Variants in THEMIS2 observed in about 807,000 individuals in gnomAD.
THEMIS2 encodes the protein protein THEMIS2.
In THEMIS2, 29 loss-of-function variants were observed where a neutral mutation model predicts 46.8. The observed-to-expected ratio is 0.62, with a 90% confidence interval of 0.46 to 0.84. The LOEUF is 0.84. THEMIS2 is among the 40% of genes least tolerant of loss of function. The pLI, the probability that THEMIS2 is intolerant of heterozygous loss-of-function variation, is 0.00. For synonymous variants in THEMIS2, 335 were observed against 349.1 expected, an observed-to-expected ratio of 0.96 and a Z score of 0.45; for missense variants, 698 against 834.7, an observed-to-expected ratio of 0.84 and a Z score of 2.02.
intron 3 of THEMIS2, among the ~76,000 whole-genome samples, chr1:27,880,433 G>T (rs141259082): frequency 1.3e-5 from 2 of 152,056 alleles, no homozygotes; most frequent in Admixed American, 6.5e-5. Flanking sequence ...TGGTCCACCC[G>T]CCTTGGCCTC....
intron 1 of THEMIS2, among the ~76,000 whole-genome samples, chr1:27,875,663 G>C (rs1246423820): frequency 6.6e-6 from 1 of 152,004 alleles, no homozygotes; most frequent in East Asian, 1.9e-4. Flanking sequence ...CTGTGTTCTC[G>C]ACACCACTTA....
Position 27,882,984 on chromosome 1 carries a change from C to A in THEMIS2, c.1660C>A (p.Pro554Thr). Residue 554 changes from proline to threonine, a missense_variant, in exon 4 of 6, where the codon CCC becomes ACC. By Grantham distance (38) the Pro-to-Thr change is conservative. Transcript: ENST00000373921. This position sits in a 1 kb window ranked among gnomAD's most constrained non-coding sequence, Gnocchi z 7.6. ...ACEIQAPPPR[P>T]PKNQGLSKQR... Reference sequence around the variant, plus strand: ...TGAGATCCAAGCCCCCCCACCCAGGCCCCCTAAAAATCAGGGCCTCAGCAA... The same window carrying A: ...TGAGATCCAAGCCCCCCCACCCAGGACCCCTAAAAATCAGGGCCTCAGCAA... 3 of 1,613,702 alleles carry A rather than the reference C, an allele frequency of 1.9e-6. No individual in the cohort carries two copies. The highest frequency in any genetic ancestry group is 2.5e-6 in the Non-Finnish European group (3 of 1,179,932).
Position 27,872,736 on chromosome 1 carries a change from T to A in THEMIS2, c.94+71T>A, listed in dbSNP as rs2089509327. On this transcript the variant is annotated intron_variant, in intron 1 of 5. Coordinates refer to ENST00000373921, the MANE Select transcript of THEMIS2 (RefSeq NM_001105556.3). This position sits in a 1 kb window ranked among gnomAD's most constrained non-coding sequence, Gnocchi z 4.9. Reference sequence around the variant, plus strand: ...CGGGGGCAGAGACCCGGAGAAGACGTTAGCAATCCGGGGAAACTGCCCCTG... The same window carrying A: ...CGGGGGCAGAGACCCGGAGAAGACGATAGCAATCCGGGGAAACTGCCCCTG... The A allele has an allele frequency of 8.3e-7, 1 of 1,198,098 alleles. No individual in the cohort carries two copies. The highest frequency in any genetic ancestry group is 1.6e-5 in the African/African-American group (1 of 63,454). 74.2% of individuals were successfully genotyped at this position (1,198,098 alleles called of 1,614,324 possible). A position where few individuals can be genotyped will look rare whatever the true frequency, so the allele number is the denominator to read the frequency against.
rs572440036 is a variant in THEMIS2 at position 27,879,365 on chromosome 1, GGGAATGT to G, written c.236-277_236-271del. 2.0e-3 allele frequency among the ~76,000 whole-genome samples: 306 copies of G among 152,222 alleles called. 2 individuals carry two copies. Among genetic ancestry groups the G allele is most frequent in the Middle Eastern group, 0.01 (3 of 294 alleles). Reference sequence around the variant, plus strand: ...GTGTGGAAGTCTAGTGTGTCTGTCAGGGAATGTGTCCCTCTTCCATTCTCTGTGTCTC... The same window carrying G: ...GTGTGGAAGTCTAGTGTGTCTGTCAGGTCCCTCTTCCATTCTCTGTGTCTC... On this transcript the variant is annotated intron_variant, in intron 2 of 5. Transcript: ENST00000373921.
At position 27,885,305 on chromosome 1, in the gene THEMIS2, T is replaced by C; in HGVS notation, c.1730T>C (p.Val577Ala). ...CTTTTTCTCCCAAAGTCTTCTCAAGTCTTAGGATTGCAGCAACACGCTCGG... is the reference window on the plus strand; with the variant it reads ...CTTTTTCTCCCAAAGTCTTCTCAAGCCTTAGGATTGCAGCAACACGCTCGG... Reference protein sequence around the residue: ...SSEGGVKSSQVLGLQQHARLP... With the variant: ...SSEGGVKSSQALGLQQHARLP... The change falls in exon 5 of 6, where the codon GTC becomes GCC. Residue 577 changes from valine to alanine, a missense_variant. By Grantham distance (64) the Val-to-Ala change is moderately conservative. Transcript: ENST00000373921. The C allele has an allele frequency of 1.2e-6, 2 of 1,614,008 alleles. No homozygotes were observed. The highest frequency in any genetic ancestry group is 1.7e-6 in the Non-Finnish European group (2 of 1,179,936).
rs777905053 is a variant in THEMIS2, at chr1:27,879,143, C to T, written c.236-501C>T. On this transcript the variant is annotated intron_variant, in intron 2 of 5. Transcript: ENST00000373921. Reference sequence around the variant, plus strand: ...TGGAGGGAGGGGGTGCAGGGACAGTCGGGCAGTCACTATTGGCAGCCAGGA... The same window carrying T: ...TGGAGGGAGGGGGTGCAGGGACAGTTGGGCAGTCACTATTGGCAGCCAGGA... Among the ~76,000 whole-genome samples the T allele has an allele frequency of 1.8e-4, 27 of 152,140 alleles. No homozygotes were observed. The Middle Eastern group carries it at 0.01, about 57-fold the overall frequency.
In THEMIS2 at chr1:27,882,950, A is replaced by G; in HGVS notation, c.1626A>G (p.Leu542=). Residue 542 remains leucine (L), a synonymous_variant, in exon 4 of 6, where the codon TTA becomes TTG. Coordinates refer to ENST00000373921, the MANE Select transcript of THEMIS2 (RefSeq NM_001105556.3). This position sits in a 1 kb window ranked among gnomAD's most constrained non-coding sequence, Gnocchi z 7.6. The stretch of plus-strand genomic sequence containing the variant: ...CCTTCTATTATCGTCTTCGGAAGTT[A>G]CCAGCCTGTGAGATCCAAGCCCCCC... ...TDTFYYRLRK[L]PACEIQAPPP... is the part of the protein sequence containing the mutation. The G allele has an allele frequency of 3.7e-6, 6 of 1,613,690 alleles. No individual in the cohort carries two copies. In the South Asian group the frequency reaches 5.5e-5, roughly 15 times the overall value.
chr1:27,879,156 T>C (rs924530071), intron 2 of THEMIS2, among the ~76,000 whole-genome samples: 6 of 152,062 alleles, frequency 3.9e-5, no homozygotes, highest in African/African-American at 1.2e-4. Context: ...GCAGTCACTA[T>C]TGGCAGCCAG....
chr1:27,874,862 G>T (rs113749310), intron 1 of THEMIS2, among the ~76,000 whole-genome samples: 1 of 151,870 alleles, frequency 6.6e-6, no homozygotes. Context: ...GCCTCCCAAA[G>T]TGTTGGGATT....
At position 27,882,280 on chromosome 1, in the gene THEMIS2, G is replaced by A; in HGVS notation, c.956G>A (p.Gly319Asp). Residue 319 changes from glycine to aspartate, a missense_variant, in exon 4 of 6, where the codon GGC becomes GAC. Gly to Asp is a moderately conservative substitution (Grantham distance 94). Coordinates refer to ENST00000373921, the MANE Select transcript of THEMIS2 (RefSeq NM_001105556.3). The surrounding 1 kb of genome is among the most constrained non-coding windows in gnomAD (Gnocchi z 7.6). ...KVPRHFLVSG[G>D]YQGKLRRRPR... ...CCCAGGCACTTCCTGGTGTCAGGGGGCTACCAAGGCAAGCTGCGGCGGCGG... is the reference window on the plus strand; with the variant it reads ...CCCAGGCACTTCCTGGTGTCAGGGGACTACCAAGGCAAGCTGCGGCGGCGG... 6.2e-7 allele frequency: 1 copy of A among 1,606,676 alleles called. No individual in the cohort carries two copies. The highest frequency in any genetic ancestry group is 1.7e-5 in the Admixed American group (1 of 59,286).
At chr1:27,879,546 G>A (rs2089641341) in intron 2 of THEMIS2, 98 bp from the exon 3 acceptor site, 2 of 1,089,828 alleles carry the variant, frequency 1.8e-6, no homozygotes, top group Non-Finnish European at 2.7e-6. Flanking sequence ...ATTCTGGCTG[G>A]GTCATCTGCA....
At chr1:27,874,723 A>G (rs1210169459) in intron 1 of THEMIS2, among the ~76,000 whole-genome samples, 3 of 152,078 alleles carry the variant, frequency 2.0e-5, no homozygotes, top group East Asian at 1.9e-4. Context: ...TTGAGGTTGC[A>G]GTGAGCTATG....
chr1:27,881,917 T>G (rs1571587647), intron 3 of THEMIS2, 54 bp from the exon 4 acceptor site: 1 of 1,442,904 alleles, frequency 6.9e-7, no homozygotes, highest in Non-Finnish European at 9.5e-7. Flanking sequence ...ATGCCTGGGG[T>G]GGGGGCCACT....
chr1:27,883,102 G>C, intron 4 of THEMIS2, 59 bp downstream of exon 4: 1 of 1,407,914 alleles, frequency 7.1e-7, no homozygotes, highest in Non-Finnish European at 9.7e-7. Flanking sequence ...CTGCTTCTTT[G>C]TCATGTCTGC....
chr1:27,872,944 C>G lies in THEMIS2; in HGVS notation c.94+279C>G, dbSNP rs1281193650. ...GCAGCCGGGCCACTCCTAGGTGGCC[C>G]CGCGGTGCGCATGGGACAGAGCTCC... On this transcript the variant is annotated intron_variant, in intron 1 of 5. Coordinates refer to ENST00000373921, the MANE Select transcript of THEMIS2 (RefSeq NM_001105556.3). The surrounding 1 kb of genome is among the most constrained non-coding windows in gnomAD (Gnocchi z 4.9). Among the ~76,000 whole-genome samples the G allele has an allele frequency of 1.3e-5, 2 of 152,142 alleles. No individual in the cohort carries two copies. The highest frequency in any genetic ancestry group is 1.5e-5 in the Non-Finnish European group (1 of 68,014).
intron 1 of THEMIS2, among the ~76,000 whole-genome samples, chr1:27,874,095 C>T (rs1434164244): frequency 3.0e-5 from 4 of 133,934 alleles, no homozygotes; most frequent in East Asian, 5.1e-4. Flanking sequence ...TGCAGTGGCA[C>T]GATACAGCTC....
chr1:27,876,527 G>T, intron 1 of THEMIS2, 61 bp from the exon 2 acceptor site: 5 of 1,580,884 alleles, frequency 3.2e-6, no homozygotes, highest in Non-Finnish European at 2.6e-6. Context: ...GGGCACCAGG[G>T]CACAGGCTGC....
At position 27,885,291 on chromosome 1, in the gene THEMIS2, A is replaced by G. The variant is rs764867238; in HGVS notation, c.1720-4A>G. ...CCTGATGATTTCTGCTTTTTCTCCC[A>G]AAGTCTTCTCAAGTCTTAGGATTGC... On this transcript the variant is annotated splice_polypyrimidine_tract_variant and splice_region_variant and intron_variant, in intron 4 of 5. Transcript: ENST00000373921. The G allele has an allele frequency of 3.7e-6, 6 of 1,612,614 alleles. No homozygotes were observed. The highest frequency in any genetic ancestry group is 1.1e-5 in the South Asian group (1 of 90,872).
At chr1:27,881,165 T>C (rs923931267) in intron 3 of THEMIS2, among the ~76,000 whole-genome samples, 1 of 151,974 alleles carries the variant, frequency 6.6e-6, no homozygotes, top group Non-Finnish European at 1.5e-5. Flanking sequence ...TTTAAGAAGG[T>C]TGGGGCCAAG....
Sources: allele counts gnomAD v4.1 joint callset (sites outside exome capture counted in the v4.1 genomes callset), GRCh38; gene constraint gnomAD v4.1.1; non-coding constraint Gnocchi (gnomAD v3.1); transcripts MANE v1.5; gene names NCBI Gene and HGNC (gene_info 2026-07-23, HGNC 2026-07-21).